The following CDKAL1 variants were observed in gnomAD, a reference collection of about 807,000 sequenced individuals.
CDKAL1 encodes the protein threonylcarbamoyladenosine tRNA methylthiotransferase.
Under a neutral mutation model 68.2 loss-of-function variants are expected in CDKAL1, and 32 were observed. The ratio of observed to expected loss-of-function variants is 0.47; its 90% confidence interval spans 0.35 to 0.63. The LOEUF is 0.63. CDKAL1 is among the 30% of genes least tolerant of loss of function. The pLI is 0.00. For synonymous variants in CDKAL1, 234 were observed against 244.3 expected, an observed-to-expected ratio of 0.96 and a Z score of 0.39; for missense variants, 606 against 696.7, an observed-to-expected ratio of 0.87 and a Z score of 1.47.
chr6:20,931,091 A>T (rs960373797), intron 9 of CDKAL1, among the ~76,000 whole-genome samples: 13 of 152,226 alleles, frequency 8.5e-5, no homozygotes, highest in Admixed American at 3.9e-4. Flanking sequence ...GAGACCAGTA[A>T]TTAAGCTGCC....
chr6:21,228,995 C>T (rs570670470), intron 15 of CDKAL1, among the ~76,000 whole-genome samples: 2 of 152,350 alleles, frequency 1.3e-5, no homozygotes, highest in East Asian at 3.9e-4. Flanking sequence ...TGGTCCCATT[C>T]TGTCCAGCTG....
rs560707827 is a variant in CDKAL1 at position 20,790,816 on chromosome 6, G to C, written c.638+9551G>C. Among the ~76,000 whole-genome samples, 9 of 152,326 alleles carry C rather than the reference G, an allele frequency of 5.9e-5. No homozygotes were observed. The East Asian group carries it at 1.4e-3, about 23-fold the overall frequency. The stretch of plus-strand genomic sequence containing the variant: ...GTAGTTGGGTGGTTTCTCTCTCTCT[G>C]TGTGTCTGGGTCTGGGGCTTTTTAG... On this transcript the variant is annotated intron_variant, in intron 8 of 15. Coordinates refer to ENST00000274695, the MANE Select transcript of CDKAL1 (RefSeq NM_017774.3).
chr6:21,014,881 C>T (rs1235527296), intron 11 of CDKAL1, among the ~76,000 whole-genome samples: 1 of 152,146 alleles, frequency 6.6e-6, no homozygotes, highest in Non-Finnish European at 1.5e-5. Context: ...CAGAAAATTT[C>T]ATTTGATGCA....
rs34291318 is a variant in CDKAL1 at position 20,758,577 on chromosome 6, G to GTT, written c.469-6_469-5dup. 7.4e-4 allele frequency: 975 copies of GTT among 1,312,696 alleles called. No homozygotes were observed. The highest frequency in any genetic ancestry group is 1.9e-3 in the South Asian group (141 of 73,342). The allele number at this position is 1,312,696 out of a possible 1,614,324, so 81.3% of individuals were successfully genotyped here. A position where few individuals can be genotyped will look rare whatever the true frequency, so the allele number is the denominator to read the frequency against. ...CTTCGTGTAAATTACTTGTGTAATC[G>GTT]TTTTTTTTTTTTTCCAGGTTCAGCA... On this transcript the variant is annotated splice_polypyrimidine_tract_variant and intron_variant, in intron 6 of 15. Transcript: ENST00000274695.
At chr6:20,936,749 T>C (rs996492552) in intron 9 of CDKAL1, among the ~76,000 whole-genome samples, 2 of 152,214 alleles carry the variant, frequency 1.3e-5, no homozygotes, top group East Asian at 3.8e-4. Flanking sequence ...ATGTGTTCAT[T>C]TGATGGATTT....
chr6:21,166,276 A>G (rs1310639933), intron 13 of CDKAL1, among the ~76,000 whole-genome samples: 4 of 152,188 alleles, frequency 2.6e-5, no homozygotes, highest in Non-Finnish European at 5.9e-5. Context: ...GACGTGAAAG[A>G]GTGCAGAGAG....
At chr6:20,687,769 G>A (rs540812168) in intron 5 of CDKAL1, among the ~76,000 whole-genome samples, 1 of 152,158 alleles carries the variant, frequency 6.6e-6, no homozygotes, top group South Asian at 2.1e-4. Flanking sequence ...CAAGTGATCT[G>A]TCTGCCTCTG....
intron 9 of CDKAL1, among the ~76,000 whole-genome samples, chr6:20,949,466 A>T (rs1764415202): frequency 6.6e-6 from 1 of 152,058 alleles, no homozygotes; most frequent in Non-Finnish European, 1.5e-5. Context: ...GTGTATATTT[A>T]TGTGTCTGTG....
At chr6:20,699,792 G>GA (rs112462188) in intron 5 of CDKAL1, among the ~76,000 whole-genome samples, 2,282 of 152,256 alleles carry the variant, frequency 0.015, 49 homozygotes, top group African/African-American at 0.052. Context: ...TTAGATCACA[G>GA]AACCATGTAC....
At chr6:21,069,111 T>G (rs2150938956) in intron 12 of CDKAL1, among the ~76,000 whole-genome samples, 1 of 152,330 alleles carries the variant, frequency 6.6e-6, no homozygotes, top group African/African-American at 2.4e-5. Context: ...TTATGTCATC[T>G]GATAGTCATA....
At chr6:20,650,026 TG>T (rs1768678925) in intron 5 of CDKAL1, among the ~76,000 whole-genome samples, 1 of 152,204 alleles carries the variant, frequency 6.6e-6, no homozygotes, top group Non-Finnish European at 1.5e-5. Context: ...AATGAACATA[TG>T]TGTGCATGTA....
intron 4 of CDKAL1, among the ~76,000 whole-genome samples, chr6:20,551,044 T>G (rs912371576): frequency 6.6e-6 from 1 of 151,740 alleles, no homozygotes; most frequent in Non-Finnish European, 1.5e-5. Flanking sequence ...TTTTCATATT[T>G]TTAGTAGAGA....
intron 9 of CDKAL1, among the ~76,000 whole-genome samples, chr6:20,867,517 A>T (rs1407598518): frequency 2.6e-5 from 4 of 152,230 alleles, no homozygotes; most frequent in African/African-American, 7.2e-5. Context: ...TTATAGTTGC[A>T]GCCCAGACAT....
At chr6:20,765,717 CT>C (rs1275749854) in intron 7 of CDKAL1, among the ~76,000 whole-genome samples, 1 of 152,036 alleles carries the variant, frequency 6.6e-6, no homozygotes, top group Non-Finnish European at 1.5e-5. Flanking sequence ...TATGATAAGA[CT>C]TTTAGTTGAT....
At chr6:21,221,688 C>T (rs1779544845) in intron 15 of CDKAL1, among the ~76,000 whole-genome samples, 1 of 152,168 alleles carries the variant, frequency 6.6e-6, no homozygotes, top group Non-Finnish European at 1.5e-5. Context: ...TCTAATTTAT[C>T]CTGAGATCTG....
At chr6:21,156,836 G>A (rs1249163679) in intron 13 of CDKAL1, among the ~76,000 whole-genome samples, 1 of 152,128 alleles carries the variant, frequency 6.6e-6, no homozygotes, top group Non-Finnish European at 1.5e-5. Flanking sequence ...GGTTGCTTTG[G>A]CATGGAATCC....
intron 9 of CDKAL1, among the ~76,000 whole-genome samples, chr6:20,858,064 G>T (rs796959685): frequency 1.2e-4 from 19 of 152,212 alleles, no homozygotes; most frequent in African/African-American, 4.3e-4. Flanking sequence ...TTACCCTGTT[G>T]GCCAGGCTGG....
chr6:20,825,803 T>G (rs1293394017), intron 8 of CDKAL1, among the ~76,000 whole-genome samples: 1 of 152,146 alleles, frequency 6.6e-6, no homozygotes, highest in Non-Finnish European at 1.5e-5. Flanking sequence ...TGTAACTTAG[T>G]AAATTATTGC....
chr6:20,889,739 A>C (rs1454574009), intron 9 of CDKAL1, among the ~76,000 whole-genome samples: 7 of 152,186 alleles, frequency 4.6e-5, no homozygotes, highest in Non-Finnish European at 5.9e-5. Flanking sequence ...GGTACCAGTA[A>C]CATGTTGTTT....
Sources: gnomAD v4.1 joint callset for allele counts (sites outside exome capture counted in the v4.1 genomes callset) on GRCh38, gnomAD v4.1.1 for gene constraint, MANE v1.5 for transcripts, NCBI Gene and HGNC (gene_info 2026-07-23, HGNC 2026-07-21) for gene names.